IGF1R: variants seen among roughly 807,000 people sequenced by gnomAD.
IGF1R encodes the protein insulin-like growth factor 1 receptor.
A neutral mutation model predicts 144.6 loss-of-function variants in IGF1R; 44 were observed. That is an observed-to-expected ratio of 0.30 (90% CI 0.24 to 0.39). The LOEUF is 0.39. Ranked by LOEUF, IGF1R falls within the 10% of genes least tolerant of loss-of-function variation. The pLI is 1.00. For synonymous variants in IGF1R, 795 were observed against 722.8 expected, an observed-to-expected ratio of 1.10 and a Z score of -1.60; for missense variants, 1,355 against 1,833.7, an observed-to-expected ratio of 0.74 and a Z score of 4.77.
chr15:98,834,273 C>A (rs1218031509), intron 2 of IGF1R, among the ~76,000 whole-genome samples: 1 of 152,188 alleles, frequency 6.6e-6, no homozygotes, highest in Admixed American at 6.5e-5. Flanking sequence ...ATCAGTGGAG[C>A]CTCAGCAAGT....
At chr15:98,887,897 C>T (rs2013718880) in intron 2 of IGF1R, among the ~76,000 whole-genome samples, 1 of 152,230 alleles carries the variant, frequency 6.6e-6, no homozygotes, top group African/African-American at 2.4e-5. Context: ...ATGTTGTTCC[C>T]TTGCCTAAAA....
chr15:98,848,032 C>G (rs1007355161), intron 2 of IGF1R, among the ~76,000 whole-genome samples: 6 of 152,056 alleles, frequency 3.9e-5, no homozygotes, highest in African/African-American at 1.4e-4. Flanking sequence ...AAGAGTGTGA[C>G]CTAGGCCAAA....
rs552412184 is a variant in IGF1R at position 98,729,261 on chromosome 15, C to G, written c.640+21154C>G. Among the ~76,000 whole-genome samples, 123 of 152,186 alleles carry G rather than the reference C, an allele frequency of 8.1e-4. 2 individuals carry two copies. Among genetic ancestry groups the G allele is most frequent in the South Asian group, 1.2e-3 (6 of 4,824 alleles). On this transcript the variant is annotated intron_variant, in intron 2 of 20. Transcript: ENST00000650285. ...GTAGAGCATTATATGTACTCTGATT[C>G]TTCAGGGCTTAATTTAAAAAGAGCA...
chr15:98,762,233 CTTTTCTTTTTT>C (rs760988029), intron 2 of IGF1R, among the ~76,000 whole-genome samples: 263 of 128,446 alleles, frequency 2.0e-3, no homozygotes, highest in Non-Finnish European at 3.5e-3. Flanking sequence ...CTTTTCTTTT[CTTTTCTTTTTT>C]TTTTTTTTTT....
chr15:98,784,153 T>G (rs6598549), intron 2 of IGF1R, among the ~76,000 whole-genome samples: 129,323 of 151,656 alleles, frequency 0.85, 57,402 homozygotes, highest in Non-Finnish European at 0.97. Context: ...TTTTGTATTT[T>G]TAGTGGAGAC....
At chr15:98,761,570 A>G (rs1031564901) in intron 2 of IGF1R, among the ~76,000 whole-genome samples, 1 of 152,024 alleles carries the variant, frequency 6.6e-6, no homozygotes, top group African/African-American at 2.4e-5. Flanking sequence ...AGGTACTACC[A>G]CTCACTGTCA....
At chr15:98,943,103 T>A in intron 19 of IGF1R, 51 bp downstream of exon 19, 1 of 1,604,806 alleles carries the variant, frequency 6.2e-7, no homozygotes, top group Non-Finnish European at 8.5e-7. Context: ...GCCTCTGCAC[T>A]TTCCACCAGC....
intron 2 of IGF1R, among the ~76,000 whole-genome samples, chr15:98,851,830 TATC>T (rs1725513463): frequency 1.3e-5 from 2 of 152,326 alleles, no homozygotes; most frequent in Non-Finnish European, 2.9e-5. Flanking sequence ...GTGAGCCTAA[TATC>T]ATCATGTTTC....
chr15:98,824,508 T>C (rs546238021), intron 2 of IGF1R, among the ~76,000 whole-genome samples: 13 of 152,230 alleles, frequency 8.5e-5, no homozygotes, highest in African/African-American at 3.1e-4. Flanking sequence ...GGCTCCCTGT[T>C]CTCTGTGATG....
intron 1 of IGF1R, among the ~76,000 whole-genome samples, chr15:98,696,632 CT>C (rs1383080477): frequency 6.6e-6 from 1 of 152,280 alleles, no homozygotes; most frequent in Non-Finnish European, 1.5e-5. Context: ...CTGTTTTTGC[CT>C]TTGGCTGATA....
chr15:98,747,235 C>T (rs1017603129), intron 2 of IGF1R, among the ~76,000 whole-genome samples: 3 of 152,040 alleles, frequency 2.0e-5, no homozygotes, highest in Non-Finnish European at 4.4e-5. Flanking sequence ...TCACTCTTGT[C>T]ACCCAGGCTG....
At chr15:98,938,147 C>T (rs755299329) in intron 17 of IGF1R, among the ~76,000 whole-genome samples, 8 of 152,224 alleles carry the variant, frequency 5.3e-5, no homozygotes, top group Admixed American at 2.0e-4. Flanking sequence ...TGACTATGTG[C>T]CACGCACCAC....
chr15:98,745,498 C>T (rs80322633), intron 2 of IGF1R, among the ~76,000 whole-genome samples: 1,947 of 152,340 alleles, frequency 0.013, 39 homozygotes, highest in African/African-American at 0.043. Context: ...GTCTTTCTTG[C>T]CTCTCACTTG....
chr15:98,776,146 T>C (rs1019498634), intron 2 of IGF1R, among the ~76,000 whole-genome samples: 4 of 150,916 alleles, frequency 2.7e-5, no homozygotes, highest in African/African-American at 9.8e-5. Context: ...AGAGAAATTT[T>C]TATTTATTTA....
intron 2 of IGF1R, among the ~76,000 whole-genome samples, chr15:98,883,379 G>C (rs1208948580): frequency 6.6e-6 from 1 of 152,204 alleles, no homozygotes; most frequent in Non-Finnish European, 1.5e-5. Context: ...GAGAAAATAT[G>C]TCTTTACTGT....
chr15:98,834,714 T>G (rs1333881663), intron 2 of IGF1R, among the ~76,000 whole-genome samples: 2 of 152,174 alleles, frequency 1.3e-5, no homozygotes, highest in Non-Finnish European at 1.5e-5. Context: ...CCTGGATGGT[T>G]CAGTAGGCTC....
intron 2 of IGF1R, among the ~76,000 whole-genome samples, chr15:98,771,217 C>CT (rs1341199848): frequency 6.6e-6 from 1 of 152,198 alleles, no homozygotes; most frequent in Admixed American, 6.5e-5. Flanking sequence ...AGAAAGATGA[C>CT]TAACACATAC....
At chr15:98,822,280 G>A (rs61732346) in intron 2 of IGF1R, among the ~76,000 whole-genome samples, 2,864 of 152,230 alleles carry the variant, frequency 0.019, 46 homozygotes, top group Middle Eastern at 0.071. Context: ...AGGCCCGGGC[G>A]AAGTTTTCCT....
chr15:98,879,747 T>A (rs2013272617), intron 2 of IGF1R, among the ~76,000 whole-genome samples: 1 of 152,102 alleles, frequency 6.6e-6, no homozygotes, highest in Non-Finnish European at 1.5e-5. Flanking sequence ...AGGGCTAATC[T>A]TCCCGTGATA....
Sources: allele counts gnomAD v4.1 joint callset (sites outside exome capture counted in the v4.1 genomes callset), GRCh38; gene constraint gnomAD v4.1.1; transcripts MANE v1.5; gene names NCBI Gene and HGNC (gene_info 2026-07-23, HGNC 2026-07-21).